ANKRD26: variants seen among roughly 807,000 people sequenced by gnomAD.
The protein encoded by ANKRD26 is ankyrin repeat domain 26.
Under a neutral mutation model 208.7 loss-of-function variants are expected in ANKRD26, and 141 were observed. The ratio of observed to expected loss-of-function variants is 0.68; its 90% CI spans 0.59 to 0.78. The LOEUF (loss-of-function observed/expected upper bound fraction) is 0.78, where lower values mean the gene tolerates loss of function less well. Among genes scored for constraint, ANKRD26 ranks in the 30% least tolerant of loss-of-function variants. ANKRD26 has a pLI of 0.00. For synonymous variants in ANKRD26, 636 were observed against 660.4 expected (o/e 0.96, Z 0.57); for missense variants, 1,889 against 1,938.7 (o/e 0.97, Z 0.48).
chr10:26,980,057 T>G (rs1361273743), intron 5 of ANKRD26, among the ~76,000 whole-genome samples: 1 of 152,208 alleles, frequency 6.6e-6, no homozygotes, highest in Non-Finnish European at 1.5e-5. Context: ...ATCTGGTCTG[T>G]TTTGAAAGTT....
chr10:27,029,722 C>T (rs2053801967), intron 25 of ANKRD26, among the ~76,000 whole-genome samples: 1 of 152,182 alleles, frequency 6.6e-6, no homozygotes, highest in African/African-American at 2.4e-5. Context: ...TATATTTTTG[C>T]ATTCCAAGCA....
At chr10:27,062,201 C>A (rs2055081826) in intron 12 of ANKRD26, 3 of 981,510 alleles carry the variant, frequency 3.1e-6, no homozygotes, top group South Asian at 9.4e-5. Context: ...CTTTCCTCTT[C>A]ATTTAACAAT....
At chr10:26,970,881 G>T (rs114515693), downstream of ANKRD26, among the ~76,000 whole-genome samples, 1,743 of 152,262 alleles carry the variant, frequency 0.011, 33 homozygotes, top group African/African-American at 0.04. Flanking sequence ...GAGGAAAGAG[G>T]AAGTAAGGGG....
chr10:27,071,231 T>C (rs1263796136), intron 9 of ANKRD26, among the ~76,000 whole-genome samples: 2 of 144,520 alleles, frequency 1.4e-5, no homozygotes, highest in African/African-American at 2.6e-5. Context: ...AGTGGCGCGA[T>C]CTCGGCTCAC....
At chr10:26,967,203 G>A in the ANKRD26 span, among the ~76,000 whole-genome samples, 4 of 152,062 alleles carry the variant, frequency 2.6e-5, no homozygotes, top group African/African-American at 4.8e-5. Context: ...AAATGCTTTC[G>A]TAGACATTTC....
intron 6 of ANKRD26, among the ~76,000 whole-genome samples, chr10:27,082,067 AAAAAAAAGGG>A (rs1326473279): frequency 1.2e-5 from 1 of 86,092 alleles, no homozygotes; most frequent in Non-Finnish European, 2.9e-5. Flanking sequence ...AAAAAAAAAA[AAAAAAAAGGG>A]AGAGAGAGAA....
At chr10:27,026,398 T>A (rs1157263346) in intron 27 of ANKRD26, among the ~76,000 whole-genome samples, 1 of 152,196 alleles carries the variant, frequency 6.6e-6, no homozygotes, top group African/African-American at 2.4e-5. Flanking sequence ...TCCCCCACAC[T>A]CTCATTCACA....
At chr10:26,982,492 C>T (rs192110650) in intron 4 of ANKRD26, among the ~76,000 whole-genome samples, 1 of 151,672 alleles carries the variant, frequency 6.6e-6, no homozygotes, top group Admixed American at 6.6e-5. Context: ...CAGGATTTTT[C>T]TTTTATGAGC....
intron 4 of ANKRD26, among the ~76,000 whole-genome samples, chr10:26,996,674 C>T (rs2052600382): frequency 6.6e-6 from 1 of 152,124 alleles, no homozygotes; most frequent in African/African-American, 2.4e-5. Context: ...ACAATTCCAT[C>T]TATGTCTTAC....
At chr10:27,082,074 AGG>A (rs66704198) in intron 6 of ANKRD26, among the ~76,000 whole-genome samples, 9,674 of 37,922 alleles carry the variant, frequency 0.26, 682 homozygotes, top group East Asian at 0.54. Context: ...AAAAAAAAAA[AGG>A]GAGAGAGAGA....
At chr10:27,038,773 T>C (rs2054130113) in intron 21 of ANKRD26, among the ~76,000 whole-genome samples, 1 of 152,206 alleles carries the variant, frequency 6.6e-6, no homozygotes, top group Non-Finnish European at 1.5e-5. Context: ...AAATATATTT[T>C]TGTTTTTATG....
At chr10:26,981,250 T>A (rs915083435) in intron 4 of ANKRD26, among the ~76,000 whole-genome samples, 5 of 152,136 alleles carry the variant, frequency 3.3e-5, no homozygotes, top group African/African-American at 9.7e-5. Context: ...TTAGACAAAG[T>A]AGGGAAATGT....
exon 6 of ANKRD26, among the ~76,000 whole-genome samples, chr10:26,974,113 C>T (rs537019474): frequency 6.6e-6 from 1 of 152,068 alleles, no homozygotes; most frequent in Non-Finnish European, 1.5e-5. Flanking sequence ...CCCTGAATAC[C>T]TGAGTTAATA....
Position 27,033,527 on chromosome 10 carries a change from A to G in ANKRD26, c.3655-150T>C, listed in dbSNP as rs554346210. The G allele has an allele frequency of 3.8e-6, 3 of 784,750 alleles. No individual in the cohort carries two copies. In the South Asian group the frequency reaches 5.7e-5, roughly 15 times the overall value. The allele number at this position is 784,750 out of a possible 1,614,324, so 48.6% of individuals were successfully genotyped here. A position where few individuals can be genotyped will look rare whatever the true frequency, so the allele number is the denominator to read the frequency against. Reference sequence around the variant, plus strand: ...GATTCACCTTCTTGTCCTCATATGTACACATTGCTGTTTATTACTGAATTC... The same window carrying G: ...GATTCACCTTCTTGTCCTCATATGTGCACATTGCTGTTTATTACTGAATTC... On this transcript the variant is annotated intron_variant, in intron 24 of 33. Coordinates refer to ENST00000376087, the MANE Select transcript of ANKRD26 (RefSeq NM_014915.3).
At chr10:27,066,727 G>A (rs1260070730) in intron 10 of ANKRD26, among the ~76,000 whole-genome samples, 179 bp from the exon 11 acceptor site, 3 of 151,886 alleles carry the variant, frequency 2.0e-5, no homozygotes, top group African/African-American at 7.2e-5. Context: ...TTGGTAATAT[G>A]AAGAAAGACA....
Position 27,100,328 on chromosome 10 carries a change from G to C in ANKRD26, c.-2C>G, listed in dbSNP as rs373572737. The C allele has an allele frequency of 5.0e-6, 8 of 1,606,568 alleles. No individual in the cohort carries two copies. The African/African-American group carries it at 5.3e-5, about 11-fold the overall frequency. On this transcript the variant is annotated 5_prime_UTR_variant, in exon 1 of 34. Coordinates refer to ENST00000376087, the MANE Select transcript of ANKRD26 (RefSeq NM_014915.3). ...CTTCTTACTAAAAATCTTCTTCATG[G>C]CCCAGGCGACCGGGCTTCAGAGACA...
At chr10:27,002,912 CTTAA>C (rs2052757039), downstream of ANKRD26, among the ~76,000 whole-genome samples, 1 of 148,870 alleles carries the variant, frequency 6.7e-6, no homozygotes, top group Admixed American at 6.7e-5. Context: ...TGGGTAGTAT[CTTAA>C]TTTTTTAAAT....
intron 9 of ANKRD26, among the ~76,000 whole-genome samples, chr10:27,071,218 T>C (rs1335660333): frequency 7.2e-6 from 1 of 139,054 alleles, no homozygotes; most frequent in Non-Finnish European, 1.5e-5. Flanking sequence ...CAGGCTGGAG[T>C]GCAGTGGCGC....
At chr10:27,055,471 C>T (rs1033150693) in intron 15 of ANKRD26, among the ~76,000 whole-genome samples, 1 of 151,908 alleles carries the variant, frequency 6.6e-6, no homozygotes, top group African/African-American at 2.4e-5. Flanking sequence ...AAAAAGAAAA[C>T]AAAACTATTG....
Sources: allele counts gnomAD v4.1 joint callset (sites outside exome capture counted in the v4.1 genomes callset), GRCh38; gene constraint gnomAD v4.1.1; transcripts MANE v1.5; gene names NCBI Gene and HGNC (gene_info 2026-07-23, HGNC 2026-07-21).